HDAC9: variants seen among roughly 807,000 people sequenced by gnomAD.
HDAC9 encodes histone deacetylase 9, also known as MEF-2 interacting transcription repressor (MITR) protein.
In HDAC9, 41 loss-of-function variants were observed where a neutral mutation model predicts 139.4. The observed-to-expected ratio is 0.29, with a 90% CI of 0.23 to 0.38. The LOEUF (loss-of-function observed/expected upper bound fraction) is 0.38, where lower values mean the gene tolerates loss of function less well. Among genes scored for constraint, HDAC9 ranks in the 10% least tolerant of loss-of-function variants. HDAC9 has a pLI of 1.00. For synonymous variants in HDAC9, 517 were observed against 476.2 expected (o/e 1.09, Z -1.12); for missense variants, 1,147 against 1,297.0 (o/e 0.88, Z 1.78).
intron 6 of HDAC9, among the ~76,000 whole-genome samples, chr7:18,619,137 T>G (rs1327618598): frequency 2.0e-5 from 3 of 152,166 alleles, no homozygotes; most frequent in South Asian, 2.1e-4. Context: ...CTGGCCTGTA[T>G]GAGATATGGA....
intron 2 of HDAC9, among the ~76,000 whole-genome samples, chr7:18,272,083 G>A (rs1476531071): frequency 6.6e-6 from 1 of 152,120 alleles, no homozygotes; most frequent in Non-Finnish European, 1.5e-5. Context: ...GTGAAGTTTT[G>A]GAAATGTGAA....
intron 6 of HDAC9, among the ~76,000 whole-genome samples, chr7:18,626,503 G>T (rs1414175821): frequency 1.3e-5 from 2 of 152,180 alleles, no homozygotes; most frequent in Non-Finnish European, 2.9e-5. Flanking sequence ...GAGGTTTAAT[G>T]ATATAAAGTA....
At chr7:18,850,613 G>A (rs887318881) in intron 21 of HDAC9, among the ~76,000 whole-genome samples, 23 of 152,228 alleles carry the variant, frequency 1.5e-4, no homozygotes, top group Middle Eastern at 6.8e-3. Flanking sequence ...AATCACACAG[G>A]AAATTATTCA....
chr7:18,315,939 A>C (rs530236685), intron 1 of HDAC9, among the ~76,000 whole-genome samples: 2 of 152,226 alleles, frequency 1.3e-5, no homozygotes, highest in African/African-American at 4.8e-5. Flanking sequence ...GTGACTTCGG[A>C]AAGTTACTAC....
intron 1 of HDAC9, among the ~76,000 whole-genome samples, chr7:18,109,853 C>G (rs925558754): frequency 5.3e-5 from 8 of 152,164 alleles, no homozygotes; most frequent in African/African-American, 1.7e-4. Flanking sequence ...TTGTGATTCT[C>G]CCTCTAGGCA....
intron 16 of HDAC9, among the ~76,000 whole-genome samples, chr7:18,780,746 A>G (rs779074601): frequency 6.6e-5 from 10 of 152,014 alleles, no homozygotes; most frequent in Non-Finnish European, 1.5e-4. Context: ...CTCATCCTTA[A>G]TTCATTCCCT....
At chr7:18,738,489 T>C (rs1787135027) in intron 13 of HDAC9, among the ~76,000 whole-genome samples, 1 of 152,200 alleles carries the variant, frequency 6.6e-6, no homozygotes, top group Admixed American at 6.5e-5. Flanking sequence ...TGCTTATGTA[T>C]AATGGATTTT....
At chr7:18,842,984 A>C (rs1224125189) in intron 21 of HDAC9, among the ~76,000 whole-genome samples, 1 of 152,138 alleles carries the variant, frequency 6.6e-6, no homozygotes, top group African/African-American at 2.4e-5. Context: ...AAGTAGATCA[A>C]ATGCTACAAC....
chr7:18,866,854 T>C (rs1015852606), intron 21 of HDAC9, among the ~76,000 whole-genome samples: 3 of 152,148 alleles, frequency 2.0e-5, no homozygotes, highest in Non-Finnish European at 2.9e-5. Context: ...AAATTACTAG[T>C]GTGGTTCAAC....
intron 1 of HDAC9, among the ~76,000 whole-genome samples, chr7:18,410,465 AGAATGTTTTCTGAGCG>A (rs1477495584): frequency 1.3e-5 from 2 of 152,214 alleles, no homozygotes; most frequent in Admixed American, 1.3e-4. Context: ...GTTTCAACAA[AGAATGTTTTCTGAGCG>A]TGACAATTGT....
At chr7:18,458,512 G>A (rs927947491) in intron 1 of HDAC9, among the ~76,000 whole-genome samples, 11 of 152,168 alleles carry the variant, frequency 7.2e-5, no homozygotes, top group Non-Finnish European at 1.5e-5. Context: ...AAGGAAGTAA[G>A]ATTTATTGTC....
intron 1 of HDAC9, among the ~76,000 whole-genome samples, chr7:18,143,097 C>A (rs1042048406): frequency 6.6e-6 from 1 of 152,170 alleles, no homozygotes; most frequent in Non-Finnish European, 1.5e-5. Context: ...GCTGCTTCAT[C>A]ACCTAAATGT....
intron 1 of HDAC9, among the ~76,000 whole-genome samples, chr7:18,142,290 C>G (rs776734945): frequency 4.6e-5 from 7 of 152,112 alleles, no homozygotes; most frequent in Non-Finnish European, 8.8e-5. Flanking sequence ...TGAAACAACC[C>G]TTGAAATACG....
intron 21 of HDAC9, among the ~76,000 whole-genome samples, chr7:18,857,351 G>T (rs1028864247): frequency 2.0e-5 from 3 of 151,650 alleles, no homozygotes; most frequent in African/African-American, 4.8e-5. Flanking sequence ...GTGTGTGTGT[G>T]TGTGTGTGTG....
At chr7:18,307,789 T>C (rs949276751) in intron 1 of HDAC9, among the ~76,000 whole-genome samples, 1 of 152,022 alleles carries the variant, frequency 6.6e-6, no homozygotes, top group Non-Finnish European at 1.5e-5. Flanking sequence ...GGTGACAGAG[T>C]GAGACTCTGT....
chr7:18,650,164 G>T (rs1283503726), intron 11 of HDAC9, among the ~76,000 whole-genome samples: 1 of 152,026 alleles, frequency 6.6e-6, no homozygotes, highest in Non-Finnish European at 1.5e-5. Flanking sequence ...TATTTGTTTT[G>T]TGGCCTTTCA....
intron 11 of HDAC9, among the ~76,000 whole-genome samples, chr7:18,663,585 C>A (rs771266823): frequency 3.9e-5 from 6 of 152,068 alleles, no homozygotes; most frequent in Non-Finnish European, 7.4e-5. Context: ...CTTCTGCTAT[C>A]CTCAAGAGGC....
chr7:18,890,101 G>A (rs1300779564), intron 22 of HDAC9, among the ~76,000 whole-genome samples: 3 of 152,194 alleles, frequency 2.0e-5, no homozygotes, highest in Non-Finnish European at 4.4e-5. Context: ...ATAGATTTAT[G>A]AAGAGTAAAT....
chr7:18,658,719 A>G (rs977596765), intron 11 of HDAC9, among the ~76,000 whole-genome samples: 7 of 152,248 alleles, frequency 4.6e-5, no homozygotes, highest in Middle Eastern at 6.8e-3. Flanking sequence ...AGACCTCTCA[A>G]TTTGAAAGCC....
Sources: allele counts gnomAD v4.1 joint callset (sites outside exome capture counted in the v4.1 genomes callset), GRCh38; gene constraint gnomAD v4.1.1; transcripts MANE v1.5; gene names NCBI Gene and HGNC (gene_info 2026-07-23, HGNC 2026-07-21).